PDE4D: variants seen among roughly 807,000 people sequenced by gnomAD.
PDE4D encodes the protein 3',5'-cyclic-AMP phosphodiesterase 4D.
A neutral mutation model predicts 87.4 loss-of-function variants in PDE4D; 24 were observed. That is an observed-to-expected ratio of 0.27 (90% CI 0.20 to 0.39). PDE4D has a LOEUF of 0.39. Among genes scored for constraint, PDE4D ranks in the 10% least tolerant of loss-of-function variants. The pLI is 1.00. For synonymous variants in PDE4D, 384 were observed against 383.2 expected (o/e 1.00, Z -0.02); for missense variants, 714 against 1,041.0 (o/e 0.69, Z 4.32).
At chr5:60,489,298 T>C (rs896236509), upstream of PDE4D, among the ~76,000 whole-genome samples, 1 of 152,228 alleles carries the variant, frequency 6.6e-6, no homozygotes, top group African/African-American at 2.4e-5. Flanking sequence ...ACTAAATCAA[T>C]CCTTATGCTT....
chr5:59,337,852 T>C lies in PDE4D; in HGVS notation c.456-121884A>G, dbSNP rs78038957. Among the ~76,000 whole-genome samples the C allele has an allele frequency of 6.9e-3, 1,050 of 152,266 alleles. 10 individuals carry two copies. Among genetic ancestry groups the C allele is most frequent in the African/African-American group, 0.024 (998 of 41,546 alleles). On this transcript the variant is annotated intron_variant, in intron 1 of 14. Coordinates refer to ENST00000340635, the MANE Select transcript of PDE4D (RefSeq NM_001104631.2). Reference sequence around the variant, plus strand: ...GGCATGGGGACATTTTAAGAGGTCATGGGGCACGAGATTAAACCTACAAAT... The same window carrying C: ...GGCATGGGGACATTTTAAGAGGTCACGGGGCACGAGATTAAACCTACAAAT...
intron 1 of PDE4D, among the ~76,000 whole-genome samples, chr5:59,497,218 G>GAA (rs1281546747): frequency 5.3e-5 from 8 of 152,018 alleles, no homozygotes; most frequent in Non-Finnish European, 2.9e-5. Flanking sequence ...AAAAAGAAAA[G>GAA]AAAAAAGCAT....
intron 2 of PDE4D, among the ~76,000 whole-genome samples, chr5:60,170,686 A>G (rs1408699279): frequency 6.6e-6 from 1 of 151,994 alleles, no homozygotes; most frequent in African/African-American, 2.4e-5. Flanking sequence ...AAAATCATGA[A>G]GAGAAACACG....
At chr5:59,491,700 G>C (rs920512322) in intron 1 of PDE4D, among the ~76,000 whole-genome samples, 2 of 152,060 alleles carry the variant, frequency 1.3e-5, no homozygotes, top group Admixed American at 6.6e-5. Flanking sequence ...AGATTCAAAA[G>C]AATCATGAAT....
chr5:59,064,503 T>A (rs944235607), intron 5 of PDE4D, among the ~76,000 whole-genome samples: 1 of 152,088 alleles, frequency 6.6e-6, no homozygotes, highest in Admixed American at 6.6e-5. Flanking sequence ...TGCTGTCATG[T>A]CCTACAGGCT....
At chr5:59,387,746 C>T (rs1215168691) in intron 1 of PDE4D, among the ~76,000 whole-genome samples, 1 of 152,066 alleles carries the variant, frequency 6.6e-6, no homozygotes, top group African/African-American at 2.4e-5. Context: ...GTGGCTAAAT[C>T]AAGCTAATTA....
At chr5:59,354,935 T>G (rs1398288310) in intron 1 of PDE4D, among the ~76,000 whole-genome samples, 4 of 152,236 alleles carry the variant, frequency 2.6e-5, no homozygotes, top group South Asian at 2.1e-4. Context: ...TATAAAAAAA[T>G]TAATTATTCT....
chr5:59,001,907 G>A lies in PDE4D; in HGVS notation c.922-8442C>T, dbSNP rs140525438. The A allele has an allele frequency of 5.3e-4, 156 of 295,594 alleles. 3 individuals are homozygous for A. In the East Asian group the frequency reaches 0.014, roughly 26 times the overall value. 18.3% of individuals were successfully genotyped at this position (295,594 alleles called of 1,614,324 possible). On this transcript the variant is annotated intron_variant, in intron 6 of 14. Coordinates refer to ENST00000340635, the MANE Select transcript of PDE4D (RefSeq NM_001104631.2). ...ACCATTCAACAGGTGTTTCATGTGC[G>A]TCAGACACTGTCAGGTGTTTAATAT...
intron 1 of PDE4D, among the ~76,000 whole-genome samples, chr5:59,521,199 G>T (rs1247473854): frequency 6.6e-6 from 1 of 152,086 alleles, no homozygotes; most frequent in Non-Finnish European, 1.5e-5. Flanking sequence ...GCACCACTGA[G>T]AATGGGGGAA....
chr5:60,327,053 T>A (rs1756863584), intron 1 of PDE4D, among the ~76,000 whole-genome samples: 1 of 152,140 alleles, frequency 6.6e-6, no homozygotes, highest in South Asian at 2.1e-4. Context: ...AACCGTTTAA[T>A]AGAACCTACT....
At chr5:59,658,972 C>T (rs1219003018) in intron 1 of PDE4D, among the ~76,000 whole-genome samples, 1 of 152,086 alleles carries the variant, frequency 6.6e-6, no homozygotes, top group Non-Finnish European at 1.5e-5. Context: ...CACTGCACTC[C>T]AGTCTGGGCA....
intron 2 of PDE4D, among the ~76,000 whole-genome samples, chr5:60,146,137 C>T (rs1780977304): frequency 1.3e-5 from 2 of 152,186 alleles, no homozygotes; most frequent in Non-Finnish European, 2.9e-5. Flanking sequence ...TCGCTTGAGC[C>T]TGAGAGGCGG....
chr5:59,401,421 G>A lies in PDE4D; in HGVS notation c.456-185453C>T, dbSNP rs185815681. On this transcript the variant is annotated intron_variant, in intron 1 of 14. Transcript: ENST00000340635. ...CTCCAGCCTGGGCAACACAGACTCTGTTTCTAATACATATATTAGAGACTA... is the reference window on the plus strand; with the variant it reads ...CTCCAGCCTGGGCAACACAGACTCTATTTCTAATACATATATTAGAGACTA... 1.9e-4 allele frequency among the ~76,000 whole-genome samples: 29 copies of A among 150,974 alleles called. No homozygotes were observed. The South Asian group carries it at 5.0e-3, about 26-fold the overall frequency.
intron 1 of PDE4D, among the ~76,000 whole-genome samples, chr5:60,497,133 G>T (rs1292692356): frequency 6.6e-6 from 1 of 152,080 alleles, no homozygotes; most frequent in African/African-American, 2.4e-5. Flanking sequence ...CAGAATTTCT[G>T]GGCAAGAAGA....
intron 1 of PDE4D, among the ~76,000 whole-genome samples, chr5:60,291,846 T>C (rs892680503): frequency 3.9e-5 from 6 of 152,174 alleles, no homozygotes; most frequent in African/African-American, 1.4e-4. Flanking sequence ...TAATCCAAAA[T>C]GTAAATAAAA....
chr5:59,230,255 T>C (rs1478712062), intron 1 of PDE4D, among the ~76,000 whole-genome samples: 3 of 152,114 alleles, frequency 2.0e-5, no homozygotes, highest in Non-Finnish European at 2.9e-5. Flanking sequence ...TAGTTGCACG[T>C]GTTTATTTTT....
At chr5:60,466,485 T>C (rs1448278699) in intron 1 of PDE4D, among the ~76,000 whole-genome samples, 1 of 152,214 alleles carries the variant, frequency 6.6e-6, no homozygotes. Flanking sequence ...AATGGCTCTA[T>C]TAATCTCTCT....
chr5:60,494,977 C>T (rs1263172799), intron 1 of PDE4D, among the ~76,000 whole-genome samples: 1 of 152,174 alleles, frequency 6.6e-6, no homozygotes, highest in Non-Finnish European at 1.5e-5. Flanking sequence ...GGGTCACCAT[C>T]ATGATTATAC....
At chr5:60,308,102 G>A (rs556179255) in intron 1 of PDE4D, among the ~76,000 whole-genome samples, 1 of 152,224 alleles carries the variant, frequency 6.6e-6, no homozygotes, top group East Asian at 1.9e-4. Flanking sequence ...TTATTTCCAT[G>A]ACAATTTAAA....
Sources: allele counts gnomAD v4.1 joint callset (sites outside exome capture counted in the v4.1 genomes callset), GRCh38; gene constraint gnomAD v4.1.1; transcripts MANE v1.5; gene names NCBI Gene and HGNC (gene_info 2026-07-23, HGNC 2026-07-21).